PCDHA7: variants seen among roughly 807,000 people sequenced by gnomAD.
The protein encoded by PCDHA7 is protocadherin alpha-7.
A neutral mutation model predicts 57.2 loss-of-function variants in PCDHA7; 37 were observed. The observed-to-expected ratio is 0.65, with a 90% CI of 0.50 to 0.85. The LOEUF (loss-of-function observed/expected upper bound fraction) is 0.85. Among genes scored for constraint, PCDHA7 ranks in the 40% least tolerant of loss-of-function variants. PCDHA7 has a pLI of 0.00. For synonymous variants in PCDHA7, 553 were observed against 558.8 expected, an observed-to-expected ratio of 0.99 and a Z score of 0.15; for missense variants, 1,188 against 1,241.8, an observed-to-expected ratio of 0.96 and a Z score of 0.65.
intron 1 of PCDHA7, chr5:140,969,574 G>T (rs948199454): frequency 1.0e-6 from 1 of 983,446 alleles, no homozygotes; most frequent in Non-Finnish European, 1.5e-6. Context: ...TGTTTGAGAA[G>T]TGAGGATTAG....
chr5:140,916,276 C>T (rs1012702427), intron 1 of PCDHA7, among the ~76,000 whole-genome samples: 4 of 152,192 alleles, frequency 2.6e-5, no homozygotes, highest in African/African-American at 7.2e-5. Flanking sequence ...GCTTGTTGCT[C>T]TACTCCACGT....
intron 1 of PCDHA7, among the ~76,000 whole-genome samples, chr5:140,874,551 T>C (rs1418780563): frequency 6.6e-6 from 1 of 152,222 alleles, no homozygotes; most frequent in African/African-American, 2.4e-5. Flanking sequence ...CTTTAAGAGA[T>C]CTTTCGCATT....
chr5:140,849,867 TC>T, intron 1 of PCDHA7: 1 of 1,598,534 alleles, frequency 6.3e-7, no homozygotes, highest in Non-Finnish European at 8.6e-7. Flanking sequence ...GTTCGCGCAG[TC>T]CGAGTACACG....
chr5:140,836,234 T>C lies in PCDHA7; in HGVS notation c.1851T>C (p.Gly617=), dbSNP rs1774307282. Reference sequence around the variant, plus strand: ...ATGAGTTGCAACCGGTGGCGGCCGGTGCGAGCATCCCGTTCCGCGTGGGGC... The same window carrying C: ...ATGAGTTGCAACCGGTGGCGGCCGGCGCGAGCATCCCGTTCCGCGTGGGGC... ...LSYELQPVAA[G]ASIPFRVGLY... Residue 617 remains glycine (G), a synonymous_variant, in exon 1 of 4, where the codon GGT becomes GGC. Coordinates refer to ENST00000525929, the MANE Select transcript of PCDHA7 (RefSeq NM_018910.3). The C allele has an allele frequency of 6.2e-7, 1 of 1,613,668 alleles. No individual in the cohort carries two copies. The highest frequency in any genetic ancestry group is 1.7e-5 in the Admixed American group (1 of 60,006).
intron 1 of PCDHA7, among the ~76,000 whole-genome samples, chr5:140,873,657 C>A (rs1270824058): frequency 6.6e-6 from 1 of 152,090 alleles, no homozygotes; most frequent in Non-Finnish European, 1.5e-5. Context: ...ACATAACACA[C>A]TATTATTATT....
At chr5:140,915,638 C>CTCTT (rs1554197009) in intron 1 of PCDHA7, among the ~76,000 whole-genome samples, 3 of 151,724 alleles carry the variant, frequency 2.0e-5, no homozygotes, top group Admixed American at 1.3e-4. Context: ...CTCTCTCTCT[C>CTCTT]TCTCTCTCTC....
At chr5:140,868,317 C>G (rs2050392446) in intron 1 of PCDHA7, 2 of 151,824 alleles carry the variant, frequency 1.3e-5, no homozygotes, top group South Asian at 4.2e-4. Context: ...TCATATTGTT[C>G]TGCAATGAAT....
rs562721543 is a variant in PCDHA7, at chr5:140,968,426, A to G, written c.2356-10523A>G. ...CTTTGTGACTGTGGAGGCTCAGGAC[A>G]AGGGGAGCCCACCACTGAGCAGCAC... On this transcript the variant is annotated intron_variant, in intron 1 of 3. Transcript: ENST00000525929. 135 of 1,614,020 alleles carry G rather than the reference A, an allele frequency of 8.4e-5. 2 individuals carry two copies. In the South Asian group the frequency reaches 1.4e-3, roughly 16 times the overall value.
chr5:140,892,408 G>C (rs1323060042), intron 1 of PCDHA7, among the ~76,000 whole-genome samples: 1 of 152,054 alleles, frequency 6.6e-6, no homozygotes, highest in Non-Finnish European at 1.5e-5. Context: ...TCAAGCTTCA[G>C]GTATTCTAGA....
intron 3 of PCDHA7, among the ~76,000 whole-genome samples, chr5:140,996,644 A>G (rs2097736322): frequency 6.6e-6 from 1 of 152,144 alleles, no homozygotes; most frequent in Non-Finnish European, 1.5e-5. Flanking sequence ...TATGTAGTTA[A>G]TCCTGGGTGC....
chr5:140,862,466 CA>C, intron 1 of PCDHA7: 1 of 371,398 alleles, frequency 2.7e-6, no homozygotes. Context: ...ACCAAGAGAG[CA>C]AATCTATCCA....
chr5:140,930,037 GC>G (rs2086548182), intron 1 of PCDHA7: 6 of 152,140 alleles, frequency 3.9e-5, no homozygotes, highest in African/African-American at 1.4e-4. Flanking sequence ...TTTTGTAACT[GC>G]TTTGGAGTTT....
rs2150363513 is a variant in PCDHA7 at position 140,843,612 on chromosome 5, C to T, written c.2355+6874C>T. The T allele has an allele frequency of 2.5e-6, 4 of 1,595,894 alleles. No individual in the cohort carries two copies. In the African/African-American group the frequency reaches 5.4e-5, roughly 21 times the overall value. On this transcript the variant is annotated intron_variant, in intron 1 of 3. Coordinates refer to ENST00000525929, the MANE Select transcript of PCDHA7 (RefSeq NM_018910.3). ...CAGAGGGTGTGCTCTGGTGAGGGGC[C>T]ACCGAAGACGGACCTCATGGCCTTC...
In PCDHA7 at chr5:140,927,920, T is replaced by C. The variant is rs782193396; in HGVS notation, c.2356-51029T>C. Reference sequence around the variant, plus strand: ...GATCATGCCCCCGAACTGGACTTCCTGACTCTTTCGAACCCAGTACCTGAG... The same window carrying C: ...GATCATGCCCCCGAACTGGACTTCCCGACTCTTTCGAACCCAGTACCTGAG... On this transcript the variant is annotated intron_variant, in intron 1 of 3. Transcript: ENST00000525929. 6.2e-6 allele frequency: 10 copies of C among 1,614,120 alleles called. No individual in the cohort carries two copies. In the South Asian group the frequency reaches 1.1e-4, roughly 18 times the overall value.
rs2150240136 is a variant in PCDHA7, at chr5:140,835,634, T to G, written c.1251T>G (p.Ser417Arg). 6.8e-6 allele frequency: 11 copies of G among 1,613,690 alleles called. No homozygotes were observed. The highest frequency in any genetic ancestry group is 1.1e-5 in the South Asian group (1 of 91,070). Residue 417 changes from serine (S) to arginine (R), a missense_variant, in exon 1 of 4, where the codon AGT becomes AGG. Transcript: ENST00000525929. The stretch of plus-strand genomic sequence containing the variant: ...TGGACAGCGCTCTGGACCGCGAGAG[T>G]GTGTCCGCCTATGAGCTGGTGGTTA... ...LVLDSALDRE[S>R]VSAYELVVTA...
At chr5:140,993,509 C>T (rs930990761) in intron 3 of PCDHA7, among the ~76,000 whole-genome samples, 23 of 143,490 alleles carry the variant, frequency 1.6e-4, no homozygotes, top group Admixed American at 3.5e-4. Context: ...CACACACACA[C>T]GGGGAGAGAG....
rs2150253026 is a variant in PCDHA7, at chr5:140,836,108, C to T, written c.1725C>T (p.Gly575=). The part of the protein sequence containing the change: ...LLAPRVGGTG[G]AVRELVPRSV... ...CGCCTCGGGTGGGTGGCACTGGTGGCGCAGTGAGAGAGCTTGTGCCGCGGT... is the reference window on the plus strand; with the variant it reads ...CGCCTCGGGTGGGTGGCACTGGTGGTGCAGTGAGAGAGCTTGTGCCGCGGT... Residue 575 remains glycine, a synonymous_variant, in exon 1 of 4, where the codon GGC becomes GGT. Transcript: ENST00000525929. 3.1e-5 allele frequency: 50 copies of T among 1,613,524 alleles called. No individual in the cohort carries two copies. Among genetic ancestry groups the T allele is most frequent in the Non-Finnish European group, 4.0e-5 (47 of 1,179,768 alleles).
In PCDHA7 at chr5:140,918,657, T is replaced by G. The variant is rs116489086; in HGVS notation, c.2356-60292T>G. Among the ~76,000 whole-genome samples, 1,219 of 152,370 alleles carry G rather than the reference T, an allele frequency of 8.0e-3. 6 individuals are homozygous for G. The highest frequency in any genetic ancestry group is 0.019 in the African/African-American group (787 of 41,596). ...CATAAATTGAAACCTAATTCTCATG[T>G]TGATGGTATGAAGAGGTGAGACCTT... On this transcript the variant is annotated intron_variant, in intron 1 of 3. Coordinates refer to ENST00000525929, the MANE Select transcript of PCDHA7 (RefSeq NM_018910.3).
At position 140,972,813 on chromosome 5, in the gene PCDHA7, G is replaced by A. The variant is rs559474622; in HGVS notation, c.2356-6136G>A. Reference sequence around the variant, plus strand: ...TGAGTAGCTGAGATTACAGGCACGCGCCACCACGCCTGGCTAATTTTTGTA... The same window carrying A: ...TGAGTAGCTGAGATTACAGGCACGCACCACCACGCCTGGCTAATTTTTGTA... On this transcript the variant is annotated intron_variant, in intron 1 of 3. Transcript: ENST00000525929. Among the ~76,000 whole-genome samples, 11 of 151,984 alleles carry A rather than the reference G, an allele frequency of 7.2e-5. No individual in the cohort carries two copies. In the East Asian group the frequency reaches 1.2e-3, roughly 16 times the overall value.
Sources: allele counts gnomAD v4.1 joint callset (sites outside exome capture counted in the v4.1 genomes callset), GRCh38; gene constraint gnomAD v4.1.1; transcripts MANE v1.5; gene names NCBI Gene and HGNC (gene_info 2026-07-23, HGNC 2026-07-21).